The following FAF1 variants were observed in gnomAD, a reference collection of about 807,000 sequenced individuals.
FAF1 encodes FAS-associated factor 1.
FAF1 carries 25 observed loss-of-function variants against 92.5 expected under a neutral mutation model. The observed-to-expected ratio is 0.27, with a 90% confidence interval of 0.20 to 0.38. The LOEUF (loss-of-function observed/expected upper bound fraction) is 0.38, where lower values mean the gene tolerates loss of function less well. FAF1 is among the 10% of genes least tolerant of loss of function. FAF1 has a pLI of 1.00. For synonymous variants in FAF1, 234 were observed against 273.2 expected (o/e 0.86, Z 1.42); for missense variants, 636 against 793.3 (o/e 0.80, Z 2.38).
intron 3 of FAF1, among the ~76,000 whole-genome samples, chr1:50,796,072 A>C (rs979867400): frequency 2.0e-5 from 3 of 152,152 alleles, no homozygotes; most frequent in Non-Finnish European, 2.9e-5. Context: ...AAAAAAACAA[A>C]AACAAAAAAA....
chr1:50,796,059 CA>C (rs1197014297), intron 3 of FAF1, among the ~76,000 whole-genome samples: 1 of 147,996 alleles, frequency 6.8e-6, no homozygotes, highest in Non-Finnish European at 1.5e-5. Context: ...ACAACAACAA[CA>C]AAAAAAAACA....
intron 7 of FAF1, among the ~76,000 whole-genome samples, chr1:50,657,642 G>A (rs1290514751): frequency 2.0e-5 from 3 of 152,184 alleles, no homozygotes; most frequent in Non-Finnish European, 2.9e-5. Flanking sequence ...AAATGCAGAA[G>A]CCTAAAGTAT....
intron 7 of FAF1, among the ~76,000 whole-genome samples, chr1:50,694,904 G>A (rs959399455): frequency 3.9e-5 from 6 of 151,956 alleles, no homozygotes; most frequent in African/African-American, 1.4e-4. Flanking sequence ...GGAGGTTGCA[G>A]GGAGCCGACA....
chr1:50,595,284 C>A (rs1651743425), intron 9 of FAF1, among the ~76,000 whole-genome samples: 1 of 152,084 alleles, frequency 6.6e-6, no homozygotes. Context: ...GAACTCCTGA[C>A]CTCAGGTGAT....
At chr1:50,572,738 T>C (rs1437794259) in intron 12 of FAF1, among the ~76,000 whole-genome samples, 2 of 152,192 alleles carry the variant, frequency 1.3e-5, no homozygotes, top group African/African-American at 4.8e-5. Flanking sequence ...TTAAAACTCT[T>C]TTCTAGATGG....
chr1:50,496,630 T>C (rs923633959), intron 15 of FAF1, among the ~76,000 whole-genome samples: 2 of 152,140 alleles, frequency 1.3e-5, no homozygotes, highest in African/African-American at 2.4e-5. Flanking sequence ...CAGTGGCTCA[T>C]GCCTGTAATC....
intron 8 of FAF1, 98 bp downstream of exon 8, chr1:50,655,344 C>T (rs958673310): frequency 4.8e-5 from 40 of 837,714 alleles, no homozygotes; most frequent in African/African-American, 4.7e-4. Context: ...CAATGGAAGA[C>T]TCAAAGCATT....
chr1:50,728,831 G>C (rs1281004611), intron 6 of FAF1, among the ~76,000 whole-genome samples: 2 of 150,128 alleles, frequency 1.3e-5, no homozygotes, highest in Non-Finnish European at 1.5e-5. Flanking sequence ...CTAGTGGAGA[G>C]TTTTGAGCAG....
chr1:50,816,048 A>T lies in FAF1; in HGVS notation c.115-14371T>A, dbSNP rs545971089. Among the ~76,000 whole-genome samples, 588 of 151,744 alleles carry T rather than the reference A, an allele frequency of 3.9e-3. 2 individuals carry two copies. The highest frequency in any genetic ancestry group is 8.1e-3 in the South Asian group (39 of 4,812). ...TCTTAAAAAAAAAAAAAAAAATTTT[A>T]AAAAAGCCATTCTTCCTGGTGTGAG... On this transcript the variant is annotated intron_variant, in intron 2 of 18. Coordinates refer to ENST00000396153, the MANE Select transcript of FAF1 (RefSeq NM_007051.3).
intron 1 of FAF1, among the ~76,000 whole-genome samples, chr1:50,892,082 T>C (rs551727252): frequency 1.3e-5 from 2 of 152,354 alleles, no homozygotes; most frequent in East Asian, 3.9e-4. Flanking sequence ...CCAGCCTTGC[T>C]GCCACCTTGC....
At chr1:50,737,525 C>G (rs571273948) in intron 6 of FAF1, among the ~76,000 whole-genome samples, 1 of 152,254 alleles carries the variant, frequency 6.6e-6, no homozygotes, top group South Asian at 2.1e-4. Flanking sequence ...ATCTGAGGTT[C>G]ACATCAACAT....
intron 8 of FAF1, among the ~76,000 whole-genome samples, chr1:50,638,476 G>A (rs138281157): frequency 2.9e-4 from 41 of 140,012 alleles, no homozygotes; most frequent in Admixed American, 1.5e-3. Flanking sequence ...ATGGAGTCAC[G>A]CTCTGTTGCT....
intron 8 of FAF1, among the ~76,000 whole-genome samples, chr1:50,638,752 G>C (rs940381290): frequency 3.3e-5 from 5 of 151,948 alleles, no homozygotes; most frequent in African/African-American, 1.2e-4. Context: ...CCTAGCTATT[G>C]CTTTTTCATA....
intron 7 of FAF1, among the ~76,000 whole-genome samples, chr1:50,657,431 T>A (rs1655165569): frequency 6.6e-6 from 1 of 152,096 alleles, no homozygotes; most frequent in Non-Finnish European, 1.5e-5. Flanking sequence ...GCATGGTGTC[T>A]CATGCCTGTA....
At chr1:50,641,942 C>A (rs1020289259) in intron 8 of FAF1, among the ~76,000 whole-genome samples, 1 of 151,936 alleles carries the variant, frequency 6.6e-6, no homozygotes, top group Non-Finnish European at 1.5e-5. Flanking sequence ...GGGGCTCATG[C>A]TTGTAATCCT....
Position 50,762,689 on chromosome 1 carries a change from C to A in FAF1, c.368-17914G>T, listed in dbSNP as rs375806438. Among the ~76,000 whole-genome samples, 4 of 152,084 alleles carry A rather than the reference C, an allele frequency of 2.6e-5. 1 individual carries two copies. The East Asian group carries it at 7.7e-4, about 29-fold the overall frequency. ...CTTACACCTTATACAAAAATTAATT[C>A]CAGATGGATTAAAGACTTAAATGTT... On this transcript the variant is annotated intron_variant, in intron 4 of 18. Transcript: ENST00000396153.
intron 6 of FAF1, among the ~76,000 whole-genome samples, chr1:50,738,442 G>A (rs1413298921): frequency 1.6e-4 from 10 of 62,356 alleles, no homozygotes; most frequent in African/African-American, 7.3e-4. Flanking sequence ...AAACTCCGTC[G>A]CAAAAAAAAA....
At chr1:50,906,549 G>C (rs534486811) in intron 1 of FAF1, among the ~76,000 whole-genome samples, 10 of 152,092 alleles carry the variant, frequency 6.6e-5, no homozygotes, top group African/African-American at 1.4e-4. Context: ...TCCTCTTTTA[G>C]TTCATTGAGC....
At chr1:50,497,560 T>G (rs1646914528) in intron 15 of FAF1, among the ~76,000 whole-genome samples, 1 of 121,826 alleles carries the variant, frequency 8.2e-6, no homozygotes, top group Admixed American at 7.8e-5. Context: ...TTTTTTTTTT[T>G]TTTTTTGTGA....
Sources: gnomAD v4.1 joint callset for allele counts (sites outside exome capture counted in the v4.1 genomes callset) on GRCh38, gnomAD v4.1.1 for gene constraint, MANE v1.5 for transcripts, NCBI Gene and HGNC (gene_info 2026-07-23, HGNC 2026-07-21) for gene names.